KCNIP4: variants seen among roughly 807,000 people sequenced by gnomAD.
The protein encoded by KCNIP4 is potassium voltage-gated channel interacting protein 4.
KCNIP4 carries 12 observed loss-of-function variants against 34.0 expected under a neutral mutation model. The observed-to-expected ratio is 0.35, with a 90% confidence interval of 0.23 to 0.57. The LOEUF is 0.57. KCNIP4 is among the 20% of genes least tolerant of loss of function. The pLI is 0.83. For synonymous variants in KCNIP4, 124 were observed against 102.2 expected (o/e 1.21, Z -1.29); for missense variants, 238 against 311.7 (o/e 0.76, Z 1.78).
At chr4:21,545,372 A>G (rs1738056093) in intron 1 of KCNIP4, among the ~76,000 whole-genome samples, 1 of 152,114 alleles carries the variant, frequency 6.6e-6, no homozygotes, top group African/African-American at 2.4e-5. Flanking sequence ...CCATTCTTTT[A>G]TTCCTTTACT....
chr4:21,180,365 T>C (rs1754750588), intron 1 of KCNIP4, among the ~76,000 whole-genome samples: 1 of 152,152 alleles, frequency 6.6e-6, no homozygotes, highest in African/African-American at 2.4e-5. Context: ...TGATTTATAG[T>C]AATAACATAG....
intron 1 of KCNIP4, among the ~76,000 whole-genome samples, chr4:21,451,183 G>A (rs1317893030): frequency 6.6e-6 from 1 of 152,142 alleles, no homozygotes; most frequent in Non-Finnish European, 1.5e-5. Flanking sequence ...TTAATGTGAA[G>A]CTAGTTTTTG....
chr4:21,252,320 G>A lies in KCNIP4; in HGVS notation c.62-369611C>T, dbSNP rs188885196. 2.2e-3 allele frequency among the ~76,000 whole-genome samples: 339 copies of A among 151,872 alleles called. 2 individuals are homozygous for A. The South Asian group carries it at 0.026, about 11-fold the overall frequency. Reference sequence around the variant, plus strand: ...CTTTTGTATTTTTAGTAGAGACAGCGTTTCACCACGTTGGCCAGGATGGTC... The same window carrying A: ...CTTTTGTATTTTTAGTAGAGACAGCATTTCACCACGTTGGCCAGGATGGTC... On this transcript the variant is annotated intron_variant, in intron 1 of 8. Coordinates refer to ENST00000382152, the MANE Select transcript of KCNIP4 (RefSeq NM_025221.6).
At chr4:21,346,075 TATATTTAAG>T (rs947528732) in intron 1 of KCNIP4, among the ~76,000 whole-genome samples, 3 of 129,382 alleles carry the variant, frequency 2.3e-5, no homozygotes, top group Non-Finnish European at 3.1e-5. Flanking sequence ...GTGTAATATA[TATATTTAAG>T]ATATTTAAGA....
chr4:21,154,940 A>T (rs1753039619), intron 1 of KCNIP4, among the ~76,000 whole-genome samples: 2 of 152,192 alleles, frequency 1.3e-5, no homozygotes, highest in African/African-American at 4.8e-5. Context: ...TAACCGACAA[A>T]ATAAATATTT....
At chr4:21,594,699 T>C (rs1742483350) in intron 1 of KCNIP4, among the ~76,000 whole-genome samples, 1 of 150,068 alleles carries the variant, frequency 6.7e-6, no homozygotes, top group Admixed American at 6.6e-5. Context: ...GAGATAAAGA[T>C]AATTTAAAAA....
chr4:21,675,142 TAACATCAATAATGA>T (rs936342239), intron 1 of KCNIP4, among the ~76,000 whole-genome samples: 1 of 152,176 alleles, frequency 6.6e-6, no homozygotes, highest in African/African-American at 2.4e-5. Flanking sequence ...CAGTCATTTG[TAACATCAATAATGA>T]AACAGAGATC....
intron 1 of KCNIP4, among the ~76,000 whole-genome samples, chr4:21,303,207 A>T (rs545440892): frequency 6.6e-6 from 1 of 152,322 alleles, no homozygotes; most frequent in East Asian, 1.9e-4. Context: ...TACTTGAAAA[A>T]CAATTGGCTA....
At chr4:20,802,165 C>CTATATATGCTATATATATGCTA (rs200231130) in intron 3 of KCNIP4, among the ~76,000 whole-genome samples, 6 of 122,908 alleles carry the variant, frequency 4.9e-5, no homozygotes, top group South Asian at 5.7e-4. Context: ...TATATATATG[C>CTATATATGCTATATATATGCTA]TATATATGCT....
At chr4:21,757,338 T>G (rs1717734885) in intron 1 of KCNIP4, among the ~76,000 whole-genome samples, 1 of 151,934 alleles carries the variant, frequency 6.6e-6, no homozygotes, top group Admixed American at 6.6e-5. Flanking sequence ...ATAAAATCAT[T>G]CAGGATACCT....
At chr4:20,960,114 G>A (rs1219762873) in intron 1 of KCNIP4, among the ~76,000 whole-genome samples, 1 of 152,086 alleles carries the variant, frequency 6.6e-6, no homozygotes, top group Non-Finnish European at 1.5e-5. Context: ...TTCTTCCTTA[G>A]TTCTTCAGAT....
intron 3 of KCNIP4, among the ~76,000 whole-genome samples, chr4:20,833,342 G>A (rs1718650357): frequency 6.6e-6 from 1 of 152,032 alleles, no homozygotes; most frequent in Admixed American, 6.5e-5. Flanking sequence ...AAAATCAGCT[G>A]GGTGTGGTGG....
intron 3 of KCNIP4, among the ~76,000 whole-genome samples, chr4:20,778,205 C>T (rs1326634729): frequency 3.9e-5 from 6 of 152,180 alleles, no homozygotes; most frequent in Admixed American, 3.9e-4. Context: ...CCACTACTCA[C>T]ACTAGCTGTG....
At chr4:20,772,431 A>C (rs1040515211) in intron 3 of KCNIP4, among the ~76,000 whole-genome samples, 1 of 152,234 alleles carries the variant, frequency 6.6e-6, no homozygotes, top group Non-Finnish European at 1.5e-5. Flanking sequence ...GACATCAATA[A>C]ATATATTGAA....
intron 1 of KCNIP4, among the ~76,000 whole-genome samples, chr4:20,923,741 T>C (rs371601877): frequency 6.6e-6 from 1 of 152,196 alleles, no homozygotes; most frequent in South Asian, 2.1e-4. Context: ...TTCTTGTTTG[T>C]CATGTTAAAC....
At chr4:21,454,939 G>C (rs1728801281) in intron 1 of KCNIP4, among the ~76,000 whole-genome samples, 1 of 152,016 alleles carries the variant, frequency 6.6e-6, no homozygotes, top group African/African-American at 2.4e-5. Context: ...TTAGCTCATA[G>C]GGTGACCAAC....
intron 1 of KCNIP4, among the ~76,000 whole-genome samples, chr4:20,906,323 C>T (rs780923885): frequency 2.0e-5 from 3 of 152,110 alleles, no homozygotes; most frequent in Non-Finnish European, 4.4e-5. Context: ...CCTCCCTTAT[C>T]AGTCCCTTAC....
intron 3 of KCNIP4, among the ~76,000 whole-genome samples, chr4:20,834,574 G>T (rs547881777): frequency 3.3e-5 from 5 of 152,194 alleles, no homozygotes; most frequent in Admixed American, 2.6e-4. Flanking sequence ...GAACCAAAAG[G>T]TCCTCAGACC....
intron 1 of KCNIP4, among the ~76,000 whole-genome samples, chr4:21,131,588 C>T (rs1032892157): frequency 1.3e-5 from 2 of 151,934 alleles, no homozygotes; most frequent in African/African-American, 4.8e-5. Context: ...CCAGCCTGGG[C>T]GACAGAAGGA....
Sources: allele counts gnomAD v4.1 joint callset (sites outside exome capture counted in the v4.1 genomes callset), GRCh38; gene constraint gnomAD v4.1.1; transcripts MANE v1.5; gene names NCBI Gene and HGNC (gene_info 2026-07-23, HGNC 2026-07-21).